Variants in LSS observed in about 807,000 individuals in gnomAD.
The protein encoded by LSS is lanosterol synthase, also known as 2,3-epoxysqualene-lanosterol cyclase.
A neutral mutation model predicts 110.3 loss-of-function variants in LSS; 90 were observed. The observed-to-expected ratio is 0.82, with a 90% CI of 0.69 to 0.97. The LOEUF (loss-of-function observed/expected upper bound fraction) is 0.97, where lower values mean the gene tolerates loss of function less well. Ranked by LOEUF, LSS falls within the 50% of genes least tolerant of loss-of-function variation. The pLI, the probability that LSS is intolerant of heterozygous loss-of-function variation, is 0.00. For synonymous variants in LSS, 433 were observed against 400.0 expected (o/e 1.08, Z -0.98); for missense variants, 927 against 990.0 (o/e 0.94, Z 0.85).
intron 17 of LSS, among the ~76,000 whole-genome samples, chr21:46,203,127 A>C (rs993289574): frequency 1.3e-5 from 2 of 152,260 alleles, no homozygotes; most frequent in African/African-American, 4.8e-5. Context: ...GCCAGGTCAG[A>C]CAGCCAGAAG....
At position 46,191,122 on chromosome 21, in the gene LSS, G is replaced by A; in HGVS notation, c.2181C>T (p.Ala727=). 1 of 1,614,150 alleles carries A rather than the reference G, an allele frequency of 6.2e-7. No individual in the cohort carries two copies. The highest frequency in any genetic ancestry group is 1.1e-5 in the South Asian group (1 of 91,090). ...CATGTTCTCAGGGGTGGCCAGCAAG[G>A]GCTCTCTCAGGGTACAGCTGGGAGA... ...GRFSQLYPER[A]LAGHP is the part of the protein sequence containing the mutation. The change falls in exon 22 of 22, where the codon GCC becomes GCT. Residue 727 remains alanine, a synonymous_variant. Coordinates refer to ENST00000397728, the MANE Select transcript of LSS (RefSeq NM_002340.6).
At chr21:46,218,995 G>C (rs2080241190) in intron 6 of LSS, among the ~76,000 whole-genome samples, 1 of 152,188 alleles carries the variant, frequency 6.6e-6, no homozygotes, top group Non-Finnish European at 1.5e-5. Context: ...GAAGTGCTGG[G>C]ATTACAGGCA....
intron 4 of LSS, 39 bp downstream of exon 4, chr21:46,222,591 C>A (rs756197283): frequency 1.3e-6 from 2 of 1,553,832 alleles, no homozygotes; most frequent in Non-Finnish European, 1.8e-6. Context: ...AGAACACACA[C>A]ATGCACATGT....
chr21:46,191,302 G>A, intron 21 of LSS, 67 bp from the exon 22 acceptor site: 1 of 1,580,646 alleles, frequency 6.3e-7, no homozygotes, highest in South Asian at 1.1e-5. Context: ...CCCTGAACTG[G>A]AGCCCTGGCT....
chr21:46,217,245 A>G (rs1316636714), intron 6 of LSS, among the ~76,000 whole-genome samples: 4 of 123,732 alleles, frequency 3.2e-5, no homozygotes, highest in Non-Finnish European at 7.2e-5. Flanking sequence ...CTCTGTCTCA[A>G]AAAAAAAAAA....
chr21:46,195,621 T>C (rs1397917866), intron 19 of LSS, 55 bp downstream of exon 19: 1 of 1,468,872 alleles, frequency 6.8e-7, no homozygotes. Flanking sequence ...AAAACACTCA[T>C]GACAGAGCAT....
intron 16 of LSS, among the ~76,000 whole-genome samples, chr21:46,206,154 C>T (rs558018035): frequency 2.6e-5 from 4 of 152,328 alleles, no homozygotes; most frequent in South Asian, 2.1e-4. Context: ...CAGAAAGCTG[C>T]GACCCCACCC....
rs554022330 is a variant in LSS at position 46,205,166 on chromosome 21, A to C, written c.1670+670T>G. On this transcript the variant is annotated intron_variant, in intron 17 of 21. Transcript: ENST00000397728. ...AGAGTGTTCACAGTAGATGCTTCAT[A>C]ATAACCCAGACTGAAATCCTCCCAG... is the stretch of plus-strand genomic sequence containing the variant. 8.2e-4 allele frequency among the ~76,000 whole-genome samples: 125 copies of C among 152,326 alleles called. 1 individual carries two copies. In the South Asian group the frequency reaches 0.025, roughly 31 times the overall value.
intron 20 of LSS, chr21:46,193,817 G>C (rs2079867025): frequency 1.0e-5 from 4 of 384,904 alleles, no homozygotes; most frequent in Non-Finnish European, 2.1e-5. Context: ...GGGTGCATCT[G>C]TACGTGTGTG....
At position 46,205,873 on chromosome 21, in the gene LSS, G is replaced by A. The variant is rs1385438670; in HGVS notation, c.1633C>T (p.His545Tyr). Residue 545 changes from histidine (H) to tyrosine (Y), a missense_variant, in exon 17 of 22, where the codon CAC becomes TAC. Physicochemically the swap from His to Tyr is moderately conservative, Grantham distance 83. Coordinates refer to ENST00000397728, the MANE Select transcript of LSS (RefSeq NM_002340.6). The part of the protein sequence containing the change: ...SAVMQALKYF[H>Y]KRFPEHRAAE... ...GCCCTGTGCTCCGGGAAACGCTTGT[G>A]GAAATACTTAAGCGCCTGCATCACG... The A allele has an allele frequency of 6.2e-7, 1 of 1,610,718 alleles. No homozygotes were observed. The highest frequency in any genetic ancestry group is 8.5e-7 in the Non-Finnish European group (1 of 1,178,694).
At position 46,213,056 on chromosome 21, in the gene LSS, TGAG is replaced by T. The variant is rs1456421958; in HGVS notation, c.1110-7_1110-5del. ...TTTCATGCCGTCAAGGCCCATCCTG[TGAG>T]GAGAAAAAAGCCCAAGTCAGGTGCA... On this transcript the variant is annotated splice_region_variant and splice_polypyrimidine_tract_variant and intron_variant, in intron 10 of 21. Transcript: ENST00000397728. 2 of 1,613,448 alleles carry T rather than the reference TGAG, an allele frequency of 1.2e-6. No individual in the cohort carries two copies. The highest frequency in any genetic ancestry group is 2.2e-5 in the South Asian group (2 of 91,008).
rs1477543129 is a variant in LSS at position 46,215,668 on chromosome 21, C to T, written c.892+17G>A. On this transcript the variant is annotated intron_variant, in intron 8 of 21. Coordinates refer to ENST00000397728, the MANE Select transcript of LSS (RefSeq NM_002340.6). The stretch of plus-strand genomic sequence containing the variant: ...CTGACCCTGGGCTGCCCTGCCGGCC[C>T]CTCAGGAGGCGCTCACCATATACCA... 2 of 1,577,340 alleles carry T rather than the reference C, an allele frequency of 1.3e-6. No individual in the cohort carries two copies. The highest frequency in any genetic ancestry group is 1.7e-6 in the Non-Finnish European group (2 of 1,153,646).
Position 46,190,861 on chromosome 21 carries a change from C to T in LSS, c.*243G>A. On this transcript the variant is annotated 3_prime_UTR_variant, in exon 22 of 22. Transcript: ENST00000397728. This position sits in a 1 kb window ranked among gnomAD's most constrained non-coding sequence, Gnocchi z 4.6. ...CTCCTCAGGGGTCACGGCTCCTGTGCCCCCTTCCTCACCCAAGCCCGACAA... is the reference window on the plus strand; with the variant it reads ...CTCCTCAGGGGTCACGGCTCCTGTGTCCCCTTCCTCACCCAAGCCCGACAA... 2 of 536,754 alleles carry T rather than the reference C, an allele frequency of 3.7e-6. No individual in the cohort carries two copies. Among genetic ancestry groups the T allele is most frequent in the South Asian group, 2.5e-5 (1 of 39,930 alleles). The allele number at this position is 536,754 out of a possible 1,614,324, so 33.2% of individuals were successfully genotyped here.
intron 20 of LSS, chr21:46,193,068 G>A (rs1255885336): frequency 2.3e-6 from 1 of 434,648 alleles, no homozygotes; most frequent in African/African-American, 2.1e-5. Flanking sequence ...GTATGTCTGT[G>A]TGTGGCACAG....
At chr21:46,211,109 G>T (rs984936180) in intron 11 of LSS, among the ~76,000 whole-genome samples, 1 of 152,182 alleles carries the variant, frequency 6.6e-6, no homozygotes, top group Admixed American at 6.5e-5. Flanking sequence ...CTCAGTCATG[G>T]TGATGCCTGG....
intron 17 of LSS, among the ~76,000 whole-genome samples, chr21:46,202,741 A>G (rs2079995372): frequency 6.6e-6 from 1 of 151,772 alleles, no homozygotes; most frequent in Non-Finnish European, 1.5e-5. Flanking sequence ...GCCACAGGTG[A>G]TGGTATGCAC....
intron 8 of LSS, 46 bp downstream of exon 8, chr21:46,215,633 CACCCTG>C (rs1168425410): frequency 6.1e-6 from 8 of 1,301,510 alleles, no homozygotes; most frequent in South Asian, 2.7e-5. Context: ...GAGTGGGCGA[CACCCTG>C]ACCCTGACCC....
At chr21:46,219,980 TCTGAGCCAAGC>T in intron 5 of LSS, among the ~76,000 whole-genome samples, 1 of 152,298 alleles carries the variant, frequency 6.6e-6, no homozygotes, top group East Asian at 1.9e-4. Flanking sequence ...AGCCTCGCCC[TCTGAGCCAAGC>T]CTGAGCTGCC....
chr21:46,192,207 T>C (rs1415304680), intron 20 of LSS: 3 of 582,042 alleles, frequency 5.2e-6, no homozygotes, highest in Admixed American at 2.9e-5. Context: ...TCCTCAGGCC[T>C]GCCCTGGTGT....
Sources: gnomAD v4.1 joint callset for allele counts (sites outside exome capture counted in the v4.1 genomes callset) on GRCh38, gnomAD v4.1.1 for gene constraint, Gnocchi (gnomAD v3.1) non-coding constraint, MANE v1.5 for transcripts, NCBI Gene and HGNC (gene_info 2026-07-23, HGNC 2026-07-21) for gene names.